UBE2K: variants seen among roughly 807,000 people sequenced by gnomAD.
UBE2K encodes the protein ubiquitin conjugating enzyme E2 K, also known as ubiquitin-conjugating enzyme E2 K.
UBE2K carries 6 observed loss-of-function variants against 30.0 expected under a neutral mutation model. That is an observed-to-expected ratio of 0.20 (90% CI 0.11 to 0.39). The LOEUF is 0.39. Ranked by LOEUF, UBE2K falls within the 10% of genes least tolerant of loss-of-function variation. UBE2K has a pLI of 1.00. For missense variants in UBE2K, 61 were observed against 241.6 expected, an observed-to-expected ratio of 0.25 and a Z score of 4.96; for synonymous variants, 86 against 83.7, an observed-to-expected ratio of 1.03 and a Z score of -0.15.
chr4:39,757,088 C>T (rs531971220), intron 4 of UBE2K, among the ~76,000 whole-genome samples: 1 of 143,970 alleles, frequency 6.9e-6, no homozygotes, highest in Middle Eastern at 3.9e-3. Flanking sequence ...TGCAGTGGCA[C>T]GATCTTGGCT....
intron 1 of UBE2K, among the ~76,000 whole-genome samples, chr4:39,698,959 G>A (rs1036354619): frequency 3.3e-5 from 5 of 152,182 alleles, no homozygotes; most frequent in African/African-American, 1.2e-4. Context: ...GAGTCAAAGG[G>A]AGACATAATA....
chr4:39,767,676 AGACTACCTATGT>A (rs1172798692), intron 4 of UBE2K, among the ~76,000 whole-genome samples: 1 of 152,116 alleles, frequency 6.6e-6, no homozygotes, highest in East Asian at 1.9e-4. Flanking sequence ...GATATATGTT[AGACTACCTATGT>A]GATAGTATGA....
At chr4:39,771,503 C>A (rs1390112157) in intron 4 of UBE2K, 5 of 1,457,684 alleles carry the variant, frequency 3.4e-6, no homozygotes, top group Non-Finnish European at 4.5e-6. Flanking sequence ...CTATTTTCCC[C>A]ACCCCCGCGG....
At chr4:39,745,700 T>A in intron 2 of UBE2K, 52 bp from the exon 3 acceptor site, 1 of 1,224,938 alleles carries the variant, frequency 8.2e-7, no homozygotes, top group Non-Finnish European at 1.2e-6. Context: ...ATATTTGTCT[T>A]ATATATTTGA....
At chr4:39,770,884 G>A in intron 4 of UBE2K, 1 of 1,543,564 alleles carries the variant, frequency 6.5e-7, no homozygotes, top group Admixed American at 2.0e-5. Flanking sequence ...TCATCCAGTG[G>A]GAACTCCAGC....
At chr4:39,764,558 C>T (rs1712187931) in intron 4 of UBE2K, among the ~76,000 whole-genome samples, 1 of 151,936 alleles carries the variant, frequency 6.6e-6, no homozygotes, top group African/African-American at 2.4e-5. Context: ...GCATTCTTCC[C>T]ACCTCAGCTT....
intron 4 of UBE2K, among the ~76,000 whole-genome samples, chr4:39,767,299 G>GT (rs71194918): frequency 0.11 from 15,746 of 139,660 alleles, 1,103 homozygotes; most frequent in East Asian, 0.23. Context: ...CTTTTTTTCT[G>GT]TTTTTTTTTT....
intron 4 of UBE2K, chr4:39,770,303 T>C: frequency 6.2e-7 from 1 of 1,612,388 alleles, no homozygotes; most frequent in Non-Finnish European, 8.5e-7. Context: ...CGCACGAGTG[T>C]GACTTGACAC....
At chr4:39,732,902 C>G (rs457198) in intron 1 of UBE2K, among the ~76,000 whole-genome samples, 7 of 151,956 alleles carry the variant, frequency 4.6e-5, no homozygotes, top group Admixed American at 1.3e-4. Flanking sequence ...TCTCAAGTTT[C>G]TTGCCTCAAA....
intron 2 of UBE2K, among the ~76,000 whole-genome samples, chr4:39,741,530 AAACTT>A (rs1720704845): frequency 6.6e-6 from 1 of 152,218 alleles, no homozygotes; most frequent in Non-Finnish European, 1.5e-5. Context: ...TTAAAAATCT[AAACTT>A]AAATGCTAAA....
At chr4:39,736,369 G>A (rs1228260246) in intron 1 of UBE2K, among the ~76,000 whole-genome samples, 1 of 152,198 alleles carries the variant, frequency 6.6e-6, no homozygotes, top group African/African-American at 2.4e-5. Flanking sequence ...GGCTGAAGCA[G>A]GAGAGTCACT....
chr4:39,743,981 A>G (rs976350420), intron 2 of UBE2K, among the ~76,000 whole-genome samples: 4 of 151,938 alleles, frequency 2.6e-5, no homozygotes, highest in Non-Finnish European at 5.9e-5. Context: ...TTGTGCCTCA[A>G]CCTCCTGAGT....
At chr4:39,734,507 T>C (rs2109345627) in intron 1 of UBE2K, among the ~76,000 whole-genome samples, 1 of 152,240 alleles carries the variant, frequency 6.6e-6, no homozygotes, top group Non-Finnish European at 1.5e-5. Flanking sequence ...TTCTGACTTA[T>C]AATTTGGGGG....
chr4:39,739,852 G>C (rs968661729), intron 2 of UBE2K, among the ~76,000 whole-genome samples: 1 of 152,200 alleles, frequency 6.6e-6, no homozygotes, highest in Non-Finnish European at 1.5e-5. Flanking sequence ...GTGTCCCAAA[G>C]TCTTGGGATT....
At chr4:39,748,451 G>C (rs914139298) in intron 3 of UBE2K, among the ~76,000 whole-genome samples, 2 of 152,074 alleles carry the variant, frequency 1.3e-5, no homozygotes, top group Admixed American at 6.5e-5. Context: ...AAGTATGTCT[G>C]ATGTTTTTGC....
intron 4 of UBE2K, among the ~76,000 whole-genome samples, chr4:39,762,200 A>G (rs1434289359): frequency 6.7e-6 from 1 of 149,400 alleles, no homozygotes; most frequent in Non-Finnish European, 1.5e-5. Flanking sequence ...TAATAATAAT[A>G]ATAATAATAA....
chr4:39,747,627 G>GT (rs1010362192), intron 3 of UBE2K, among the ~76,000 whole-genome samples: 16 of 151,676 alleles, frequency 1.1e-4, no homozygotes, highest in African/African-American at 3.6e-4. Flanking sequence ...TTTGTTTTTT[G>GT]TTTTTTTGAG....
At position 39,774,869 on chromosome 4, in the gene UBE2K, C is replaced by A; in HGVS notation, c.335C>A (p.Ser112Ter). The A allele has an allele frequency of 6.2e-7, 1 of 1,602,826 alleles. No individual in the cohort carries two copies. Among genetic ancestry groups the A allele is most frequent in the South Asian group, 1.1e-5 (1 of 90,112 alleles). The change falls in exon 5 of 7, where the codon TCA becomes TAA. Residue 112 changes from serine (S) to a stop codon, truncating the protein, a stop_gained. Coordinates refer to ENST00000261427, the MANE Select transcript of UBE2K (RefSeq NM_005339.5). LOFTEE classifies it high-confidence loss of function. ...ATGACTCTCCGCACGGTATTATTGT[C>A]ATTGCAAGCACTATTGGCAGCTGCA... Reference protein sequence around the residue: ...AAMTLRTVLLSLQALLAAAEP... With the variant: ...AAMTLRTVLL
At chr4:39,719,493 C>G (rs77006870) in intron 1 of UBE2K, among the ~76,000 whole-genome samples, 2,845 of 152,206 alleles carry the variant, frequency 0.019, 97 homozygotes, top group African/African-American at 0.064. Flanking sequence ...TGATAGGTAT[C>G]TAATTTTGAG....
Sources: gnomAD v4.1 joint callset for allele counts (sites outside exome capture counted in the v4.1 genomes callset) on GRCh38, gnomAD v4.1.1 for gene constraint, MANE v1.5 for transcripts, NCBI Gene and HGNC (gene_info 2026-07-23, HGNC 2026-07-21) for gene names.